CNBD1: variants seen among roughly 807,000 people sequenced by gnomAD.
CNBD1 encodes cyclic nucleotide binding domain containing 1.
Under a neutral mutation model 54.4 loss-of-function variants are expected in CNBD1, and 71 were observed. That is an observed-to-expected ratio of 1.30 (90% CI 1.08 to 1.59). The LOEUF (loss-of-function observed/expected upper bound fraction) is 1.59, where lower values mean the gene tolerates loss of function less well. CNBD1 is among the 40% of genes most tolerant of loss of function. The pLI is 0.00. For synonymous variants in CNBD1, 182 were observed against 170.7 expected (o/e 1.07, Z -0.51); for missense variants, 659 against 518.0 (o/e 1.27, Z -2.64).
intron 10 of CNBD1, among the ~76,000 whole-genome samples, chr8:87,362,722 G>A (rs1810548754): frequency 2.6e-5 from 4 of 152,032 alleles, no homozygotes; most frequent in Admixed American, 2.6e-4. Context: ...CGAACCCTCT[G>A]TGAGTCCACG....
At chr8:87,286,500 G>T (rs1012491811) in intron 7 of CNBD1, 39 bp from the exon 8 acceptor site, 6 of 1,171,634 alleles carry the variant, frequency 5.1e-6, no homozygotes, top group African/African-American at 4.6e-5. Context: ...ATTTTAAATT[G>T]CCTGTTATTA....
At chr8:86,878,743 G>C (rs1167516282) in intron 1 of CNBD1, among the ~76,000 whole-genome samples, 3 of 152,098 alleles carry the variant, frequency 2.0e-5, no homozygotes, top group Non-Finnish European at 4.4e-5. Flanking sequence ...GCTTCCCCTG[G>C]AGAACTCTTC....
At chr8:87,391,463 A>G (rs575366157) in intron 2 of CNBD1, among the ~76,000 whole-genome samples, 1 of 151,904 alleles carries the variant, frequency 6.6e-6, no homozygotes, top group East Asian at 1.9e-4. Flanking sequence ...TTCAAAACTG[A>G]CTACAAAGTG....
At chr8:87,400,615 T>A (rs1586079740) in intron 2 of CNBD1, among the ~76,000 whole-genome samples, 1 of 152,122 alleles carries the variant, frequency 6.6e-6, no homozygotes, top group East Asian at 1.9e-4. Context: ...ATGCCATTTA[T>A]CCCTGTCATT....
intron 4 of CNBD1, among the ~76,000 whole-genome samples, chr8:86,953,606 C>A (rs1300876214): frequency 2.0e-5 from 3 of 152,160 alleles, no homozygotes; most frequent in Admixed American, 6.5e-5. Context: ...GTGGCTCATG[C>A]CTGTAATCCC....
chr8:87,304,270 A>T (rs1809089372), intron 8 of CNBD1, among the ~76,000 whole-genome samples: 2 of 152,164 alleles, frequency 1.3e-5, no homozygotes, highest in South Asian at 4.1e-4. Context: ...GATTAAGAAA[A>T]TGTGGCGCAT....
downstream of CNBD1, among the ~76,000 whole-genome samples, chr8:87,386,249 C>A (rs993719400): frequency 6.6e-6 from 1 of 152,054 alleles, no homozygotes; most frequent in African/African-American, 2.4e-5. Context: ...AGCAACGGAA[C>A]AAAGCTGGAA....
rs937544892 is a variant in CNBD1 at position 87,320,508 on chromosome 8, A to G, written c.1043-31177A>G. Among the ~76,000 whole-genome samples the G allele has an allele frequency of 3.3e-5, 5 of 152,006 alleles. 1 individual carries two copies. Among genetic ancestry groups the G allele is most frequent in the Admixed American group, 2.0e-4 (3 of 15,238 alleles). On this transcript the variant is annotated intron_variant, in intron 8 of 10. Coordinates refer to ENST00000518476, the MANE Select transcript of CNBD1 (RefSeq NM_173538.3). ...GACAGAGGCAAATTATTTTGCCACG[A>G]GTTAAAATTATGTGCCACCTCCCTT...
rs113711814 is a variant in CNBD1, at chr8:87,055,992, A to G, written c.431+116238A>G. ...AACAATAATGATAATGAGAACAACTATAGGTAATATTTGTGGAGCACTTAC... is the reference window on the plus strand; with the variant it reads ...AACAATAATGATAATGAGAACAACTGTAGGTAATATTTGTGGAGCACTTAC... On this transcript the variant is annotated intron_variant, in intron 4 of 10. Coordinates refer to ENST00000518476, the MANE Select transcript of CNBD1 (RefSeq NM_173538.3). 3.3e-3 allele frequency among the ~76,000 whole-genome samples: 500 copies of G among 151,610 alleles called. 4 individuals are homozygous for G. The highest frequency in any genetic ancestry group is 0.012 in the African/African-American group (478 of 41,274).
intron 4 of CNBD1, among the ~76,000 whole-genome samples, chr8:87,028,646 C>G (rs1042532975): frequency 2.6e-5 from 4 of 152,118 alleles, no homozygotes; most frequent in Non-Finnish European, 5.9e-5. Context: ...AAAACAGGAA[C>G]TAAGGAGGGG....
chr8:87,235,189 C>G (rs916220415), intron 5 of CNBD1, among the ~76,000 whole-genome samples: 1 of 152,130 alleles, frequency 6.6e-6, no homozygotes, highest in African/African-American at 2.4e-5. Flanking sequence ...TTTCATCTAT[C>G]CAGACCAGTA....
At chr8:86,929,333 T>G (rs1448646065) in intron 3 of CNBD1, among the ~76,000 whole-genome samples, 1 of 152,238 alleles carries the variant, frequency 6.6e-6, no homozygotes, top group Non-Finnish European at 1.5e-5. Flanking sequence ...ACACATTTAT[T>G]CTTTTTTCCC....
At chr8:87,408,680 A>C (rs1807690358) in intron 2 of CNBD1, among the ~76,000 whole-genome samples, 1 of 152,094 alleles carries the variant, frequency 6.6e-6, no homozygotes. Context: ...GCCCTGCATC[A>C]AGGAAGTTTA....
intron 6 of CNBD1, among the ~76,000 whole-genome samples, chr8:87,239,058 C>T (rs909437396): frequency 6.6e-6 from 1 of 152,010 alleles, no homozygotes; most frequent in African/African-American, 2.4e-5. Context: ...CAGAGACTAC[C>T]AGTACTCCAG....
chr8:87,383,401 C>T (rs561626331), downstream of CNBD1, among the ~76,000 whole-genome samples: 2 of 152,030 alleles, frequency 1.3e-5, no homozygotes, highest in Admixed American at 6.6e-5. Flanking sequence ...GTGTCTGACA[C>T]AATATTAGGT....
At chr8:87,396,405 C>A (rs780527449) in intron 2 of CNBD1, among the ~76,000 whole-genome samples, 3 of 151,836 alleles carry the variant, frequency 2.0e-5, no homozygotes, top group Non-Finnish European at 4.4e-5. Flanking sequence ...ATCTACATGC[C>A]TAACTTATAA....
Position 87,292,456 on chromosome 8 carries a change from C to A in CNBD1, c.1042+5785C>A, listed in dbSNP as rs112086880. On this transcript the variant is annotated intron_variant, in intron 8 of 10. Transcript: ENST00000518476. The stretch of plus-strand genomic sequence containing the variant: ...TCATGTTTAATTCTCAGTATGCATG[C>A]GGCAAGCTTTCTACTACATGGGGTG... 8.5e-5 allele frequency among the ~76,000 whole-genome samples: 13 copies of A among 152,190 alleles called. 1 individual carries two copies. The highest frequency in any genetic ancestry group is 3.4e-3 in the Middle Eastern group (1 of 294).
At chr8:86,932,843 C>A (rs1315096205) in intron 3 of CNBD1, among the ~76,000 whole-genome samples, 1 of 150,566 alleles carries the variant, frequency 6.6e-6, no homozygotes, top group Non-Finnish European at 1.5e-5. Flanking sequence ...TTTTTTTTTT[C>A]TTCCCCGCCC....
At chr8:87,050,503 G>T (rs529796273) in intron 4 of CNBD1, among the ~76,000 whole-genome samples, 2 of 152,150 alleles carry the variant, frequency 1.3e-5, no homozygotes, top group Non-Finnish European at 2.9e-5. Flanking sequence ...TCTCAAAATT[G>T]CCTGCCCAAA....
Sources: gnomAD v4.1 joint callset for allele counts (sites outside exome capture counted in the v4.1 genomes callset) on GRCh38, gnomAD v4.1.1 for gene constraint, MANE v1.5 for transcripts, NCBI Gene and HGNC (gene_info 2026-07-23, HGNC 2026-07-21) for gene names.